PRMT8: variants seen among roughly 807,000 people sequenced by gnomAD.
PRMT8 encodes protein arginine N-methyltransferase 8.
In PRMT8, 7 loss-of-function variants were observed where a neutral mutation model predicts 47.1. The ratio of observed to expected loss-of-function variants is 0.15; its 90% CI spans 0.08 to 0.28. The LOEUF (loss-of-function observed/expected upper bound fraction) is 0.28. Ranked by LOEUF, PRMT8 falls within the 10% of genes least tolerant of loss-of-function variation. The pLI is 1.00. For missense variants in PRMT8, 237 were observed against 505.4 expected, an observed-to-expected ratio of 0.47 and a Z score of 5.09; for synonymous variants, 188 against 186.5, an observed-to-expected ratio of 1.01 and a Z score of -0.07.
chr12:3,579,045 CTGTCCCTG>C (rs1238170823), intron 7 of PRMT8, among the ~76,000 whole-genome samples: 1 of 152,184 alleles, frequency 6.6e-6, no homozygotes, highest in Non-Finnish European at 1.5e-5. Flanking sequence ...ACCAGTCCCT[CTGTCCCTG>C]AAGCCTCTTC....
chr12:3,575,440 G>C (rs1001138365), intron 6 of PRMT8, among the ~76,000 whole-genome samples: 11 of 152,234 alleles, frequency 7.2e-5, no homozygotes, highest in African/African-American at 2.4e-4. Context: ...GGAAACTAAA[G>C]AGTCTGCTAA....
chr12:3,506,871 G>C (rs1865634848), intron 1 of PRMT8, among the ~76,000 whole-genome samples: 1 of 152,118 alleles, frequency 6.6e-6, no homozygotes, highest in Non-Finnish European at 1.5e-5. Context: ...GCATGGATAG[G>C]AGGTAGGAGA....
rs770657722 is a variant in PRMT8 at position 3,549,958 on chromosome 12, G to A, written c.284G>A (p.Arg95Gln). 2.5e-6 allele frequency: 4 copies of A among 1,614,068 alleles called. No individual in the cohort carries two copies. Among genetic ancestry groups the A allele is most frequent in the Non-Finnish European group, 2.5e-6 (3 of 1,179,964 alleles). ...IHEEMLKDEV[R>Q]TLTYRNSMYH... Reference sequence around the variant, plus strand: ...CAGGAAATGCTGAAGGATGAGGTGCGGACTCTCACTTACCGGAACTCCATG... The same window carrying A: ...CAGGAAATGCTGAAGGATGAGGTGCAGACTCTCACTTACCGGAACTCCATG... Residue 95 changes from arginine to glutamine, a missense_variant, in exon 3 of 10, where the codon CGG becomes CAG. This residue lies in a region of PRMT8 where 32 missense variants were observed against 73.7 expected (regional missense o/e 0.43). Coordinates refer to ENST00000382622, the MANE Select transcript of PRMT8 (RefSeq NM_019854.5).
intron 1 of PRMT8, among the ~76,000 whole-genome samples, chr12:3,405,818 T>G (rs1033172516): frequency 4.6e-5 from 7 of 152,342 alleles, no homozygotes; most frequent in South Asian, 4.1e-4. Context: ...TGGCTGGCAT[T>G]GAGTGTATGG....
At chr12:3,565,792 G>C (rs2137200562) in intron 4 of PRMT8, among the ~76,000 whole-genome samples, 1 of 152,308 alleles carries the variant, frequency 6.6e-6, no homozygotes, top group Non-Finnish European at 1.5e-5. Context: ...ATGAGCAGCA[G>C]TAACTCTCTT....
In PRMT8 at chr12:3,513,033, A is replaced by G. The variant is rs570313020; in HGVS notation, c.75+21333A>G. On this transcript the variant is annotated intron_variant, in intron 1 of 9. Transcript: ENST00000382622. ...CATGTGACAGGTCCTTTTTGAGACT[A>G]TTTTTGTCCCTGAGAGAACTGCAAC... is the stretch of plus-strand genomic sequence containing the variant. 5.3e-5 allele frequency among the ~76,000 whole-genome samples: 8 copies of G among 152,234 alleles called. 1 individual carries two copies. Among genetic ancestry groups the G allele is most frequent in the Admixed American group, 2.0e-4 (3 of 15,302 alleles).
intron 2 of PRMT8, among the ~76,000 whole-genome samples, chr12:3,542,935 A>C (rs1487575711): frequency 6.6e-6 from 1 of 152,280 alleles, no homozygotes; most frequent in Non-Finnish European, 1.5e-5. Flanking sequence ...GGTCAGCACC[A>C]TGACCCAGCA....
intron 1 of PRMT8, among the ~76,000 whole-genome samples, chr12:3,478,428 C>T (rs1456894242): frequency 6.6e-6 from 1 of 152,202 alleles, no homozygotes; most frequent in Non-Finnish European, 1.5e-5. Flanking sequence ...GCCCCTCCAC[C>T]TTCTGAAGGA....
At chr12:3,485,410 T>C (rs1235611600) in intron 1 of PRMT8, among the ~76,000 whole-genome samples, 3 of 152,218 alleles carry the variant, frequency 2.0e-5, no homozygotes, top group African/African-American at 7.2e-5. Flanking sequence ...GAAATTACAA[T>C]TTCATGAGGA....
At chr12:3,568,142 C>A (rs1866761897) in intron 4 of PRMT8, among the ~76,000 whole-genome samples, 1 of 151,742 alleles carries the variant, frequency 6.6e-6, no homozygotes, top group South Asian at 2.1e-4. Context: ...ATAAAGTAAT[C>A]CAGAGAAAAG....
chr12:3,547,283 C>T (rs528166392), intron 2 of PRMT8, among the ~76,000 whole-genome samples: 2 of 151,594 alleles, frequency 1.3e-5, no homozygotes, highest in Admixed American at 6.6e-5. Flanking sequence ...AAAAGGCATA[C>T]AGATAGGAAA....
chr12:3,581,268 A>G (rs1867058471), intron 7 of PRMT8, among the ~76,000 whole-genome samples: 1 of 152,186 alleles, frequency 6.6e-6, no homozygotes, highest in Admixed American at 6.5e-5. Context: ...AAAGCCAGAG[A>G]TAGCTTGCAT....
intron 1 of PRMT8, among the ~76,000 whole-genome samples, chr12:3,465,127 A>AT (rs1280020522): frequency 3.7e-4 from 7 of 18,938 alleles, no homozygotes; most frequent in East Asian, 4.4e-3. Flanking sequence ...TGTCTCAAAA[A>AT]AAATATATAT....
intron 1 of PRMT8, among the ~76,000 whole-genome samples, chr12:3,415,704 G>A (rs886982265): frequency 6.6e-6 from 1 of 152,230 alleles, no homozygotes; most frequent in African/African-American, 2.4e-5. Flanking sequence ...ACAGAGAGAT[G>A]ATTGCAAAAT....
intron 1 of PRMT8, among the ~76,000 whole-genome samples, chr12:3,466,747 C>T (rs1315663806): frequency 6.6e-6 from 1 of 152,066 alleles, no homozygotes; most frequent in Non-Finnish European, 1.5e-5. Context: ...CTTACTAATC[C>T]CTGAGGTATA....
In PRMT8 at chr12:3,491,496, C is replaced by T. The variant is rs542615568; in HGVS notation, c.-130C>T. The stretch of plus-strand genomic sequence containing the variant: ...ACTCCGCTGTGGCTGACTGTGCCGG[C>T]CGACGCTCCAGCTGAGGGGCTGGGT... On this transcript the variant is annotated 5_prime_UTR_variant, in exon 1 of 10. Transcript: ENST00000382622. 9.1e-5 allele frequency: 132 copies of T among 1,443,724 alleles called. No individual in the cohort carries two copies. The East Asian group carries it at 2.9e-3, about 32-fold the overall frequency. The allele number at this position is 1,443,724 out of a possible 1,614,324, so 89.4% of individuals were successfully genotyped here. A position where few individuals can be genotyped will look rare whatever the true frequency, so the allele number is the denominator to read the frequency against.
intron 1 of PRMT8, among the ~76,000 whole-genome samples, chr12:3,532,005 C>T (rs1476084069): frequency 6.6e-6 from 1 of 152,110 alleles, no homozygotes; most frequent in African/African-American, 2.4e-5. Context: ...AGCTGGAGAG[C>T]CTGTTAACAT....
intron 1 of PRMT8, among the ~76,000 whole-genome samples, chr12:3,458,802 G>A (rs1190052887): frequency 6.6e-6 from 1 of 152,188 alleles, no homozygotes; most frequent in Non-Finnish European, 1.5e-5. Flanking sequence ...GTGGCCAGTG[G>A]ATAGACACTC....
Position 3,535,861 on chromosome 12 carries a change from A to G in PRMT8, c.76-4745A>G, listed in dbSNP as rs1357260905. Among the ~76,000 whole-genome samples the G allele has an allele frequency of 1.3e-5, 2 of 152,148 alleles. No individual in the cohort carries two copies. Among genetic ancestry groups the G allele is most frequent in the African/African-American group, 4.8e-5 (2 of 41,426 alleles). On this transcript the variant is annotated intron_variant, in intron 1 of 9. Transcript: ENST00000382622. This position sits in a 1 kb window ranked among gnomAD's most constrained non-coding sequence, Gnocchi z 4.7. Reference sequence around the variant, plus strand: ...TTTGCTGACTTCTCAGACTATGTATACAAGATTGGAGTTTGAAAGTCACCT... The same window carrying G: ...TTTGCTGACTTCTCAGACTATGTATGCAAGATTGGAGTTTGAAAGTCACCT...
Sources: allele counts gnomAD v4.1 joint callset (sites outside exome capture counted in the v4.1 genomes callset), GRCh38; gene constraint gnomAD v4.1.1; regional missense constraint gnomAD v4.1.1; non-coding constraint Gnocchi (gnomAD v3.1); transcripts MANE v1.5; gene names NCBI Gene and HGNC (gene_info 2026-07-23, HGNC 2026-07-21).